GPM6B: variants seen among roughly 807,000 people sequenced by gnomAD.
The protein encoded by GPM6B is glycoprotein M6B, also known as neuronal membrane glycoprotein M6-b.
GPM6B carries 4 observed loss-of-function variants against 27.2 expected under a neutral mutation model. The observed-to-expected ratio is 0.15, with a 90% CI of 0.07 to 0.34. The LOEUF (loss-of-function observed/expected upper bound fraction) is 0.34. GPM6B is among the 10% of genes least tolerant of loss of function. The probability of loss-of-function intolerance (pLI) is 1.00; values close to 1 mark genes in which losing one functional copy is unlikely to be tolerated. For synonymous variants in GPM6B, 124 were observed against 103.1 expected, an observed-to-expected ratio of 1.20 and a Z score of -1.23; for missense variants, 183 against 261.9, an observed-to-expected ratio of 0.70 and a Z score of 2.08.
chrX:13,818,890 AT>A (rs1188784590), upstream of GPM6B, among the ~76,000 whole-genome samples: 1 of 112,488 alleles, frequency 8.9e-6, no homozygotes, highest in Admixed American at 9.4e-5. Context: ...CCAAAACAAA[AT>A]TCAATTCAGC....
At chrX:13,842,553 T>C (rs2049590950) in intron 1 of GPM6B, among the ~76,000 whole-genome samples, 1 of 110,944 alleles carries the variant, frequency 9.0e-6, no homozygotes, top group African/African-American at 3.3e-5. Flanking sequence ...ATTATTTTAT[T>C]GACCTGATCA....
chrX:13,871,910 G>C (rs1352567863), intron 1 of GPM6B, among the ~76,000 whole-genome samples: 1 of 111,886 alleles, frequency 8.9e-6, no homozygotes, highest in Non-Finnish European at 1.9e-5. Context: ...GAACAGAGGT[G>C]CAGACTGCTG....
intron 4 of GPM6B, among the ~76,000 whole-genome samples, chrX:13,782,289 TCA>T (rs1252365890): frequency 9.0e-6 from 1 of 111,655 alleles, no homozygotes; most frequent in East Asian, 2.8e-4. Flanking sequence ...TGTGGATCCC[TCA>T]CAGTGTCCCC....
At chrX:13,916,663 A>ATGTATGTGTG (rs370391303) in intron 1 of GPM6B, among the ~76,000 whole-genome samples, 1 of 90,158 alleles carries the variant, frequency 1.1e-5, no homozygotes, top group Non-Finnish European at 2.2e-5. Flanking sequence ...TAGTTTATTA[A>ATGTATGTGTG]TGTGTGTGTG....
intron 1 of GPM6B, among the ~76,000 whole-genome samples, chrX:13,866,718 T>C (rs1569272479): frequency 1.8e-5 from 2 of 111,237 alleles, no homozygotes; most frequent in African/African-American, 3.3e-5. Flanking sequence ...ACGAAAAAAA[T>C]CTAATGAAGA....
chrX:13,815,964 T>G (rs2049227020), intron 1 of GPM6B, among the ~76,000 whole-genome samples: 1 of 112,142 alleles, frequency 8.9e-6, no homozygotes, highest in East Asian at 2.8e-4. Context: ...AATATGTTTT[T>G]GGGCATTTAT....
chrX:13,803,673 G>A (rs1368925747), intron 2 of GPM6B, among the ~76,000 whole-genome samples: 1 of 111,930 alleles, frequency 8.9e-6, no homozygotes, highest in Non-Finnish European at 1.9e-5. Context: ...GCATGTCATT[G>A]GATTATATTA....
At chrX:13,843,437 T>C (rs1166112349) in intron 1 of GPM6B, among the ~76,000 whole-genome samples, 1 of 112,471 alleles carries the variant, frequency 8.9e-6, no homozygotes, top group Non-Finnish European at 1.9e-5. Context: ...ACACAAGTTT[T>C]CATTTCTTTT....
intron 1 of GPM6B, among the ~76,000 whole-genome samples, chrX:13,827,271 C>CTTTTTTTTTTTT (rs1173680918): frequency 2.7e-5 from 2 of 73,645 alleles, no homozygotes; most frequent in Non-Finnish European, 5.0e-5. Flanking sequence ...TACCGACTTC[C>CTTTTTTTTTTTT]TTTTTTTTTT....
rs2050210798 is a variant in GPM6B at position 13,894,014 on chromosome X, A to G, written c.-198+44313T>C. Among the ~76,000 whole-genome samples, 3 of 111,907 alleles carry G rather than the reference A, an allele frequency of 2.7e-5. No homozygotes were observed. The Admixed American group carries it at 2.8e-4, about 11-fold the overall frequency. On this transcript the variant is annotated intron_variant, in intron 1 of 6. Coordinates refer to the GPM6B transcript ENST00000398361. ...ATTCCTTCTCTCCACATCCTCAGAG[A>G]CCTCATGGGGAGAACTTGCTGGCGC...
intron 1 of GPM6B, among the ~76,000 whole-genome samples, chrX:13,908,192 C>T (rs765003622): frequency 1.1e-5 from 1 of 91,374 alleles, no homozygotes; most frequent in African/African-American, 4.4e-5. Context: ...TTGCTGTGAA[C>T]CTGAAACTAT....
chrX:13,833,201 G>T (rs2049457390), intron 1 of GPM6B, among the ~76,000 whole-genome samples: 1 of 111,275 alleles, frequency 9.0e-6, no homozygotes, highest in African/African-American at 3.3e-5. Flanking sequence ...ATAACTTAAG[G>T]GCTGGGCAGT....
rs1210471372 is a variant in GPM6B at position 13,807,723 on chromosome X, G to A, written c.108C>T (p.Tyr36=). Residue 36 remains tyrosine (Y), a synonymous_variant, in exon 2 of 8, where the codon TAC becomes TAT. Coordinates refer to ENST00000316715, the MANE Select transcript of GPM6B (RefSeq NM_001001995.3). ...EMEIGRYHWM[Y]PGSKNHQYHP... ...GGTACTGGTGGTTCTTTGAGCCTGG[G>A]TACATCCAGTGGTACCTGCCAATTT... 8.3e-7 allele frequency: 1 copy of A among 1,205,623 alleles called. No homozygotes were observed. The highest frequency in any genetic ancestry group is 1.1e-6 in the Non-Finnish European group (1 of 890,512).
chrX:13,837,945 A>G (rs1466883462), intron 1 of GPM6B, among the ~76,000 whole-genome samples: 1 of 110,857 alleles, frequency 9.0e-6, no homozygotes, highest in Admixed American at 9.6e-5. Flanking sequence ...TTAAAAAAAA[A>G]TTACAAACCC....
intron 1 of GPM6B, among the ~76,000 whole-genome samples, chrX:13,931,466 C>T (rs1416435145): frequency 1.0e-4 from 11 of 106,947 alleles, no homozygotes; most frequent in South Asian, 4.2e-4. Context: ...CCAGCCTGGG[C>T]TACAGAGTGA....
At chrX:13,803,176 C>G (rs1353433605) in intron 2 of GPM6B, among the ~76,000 whole-genome samples, 1 of 111,488 alleles carries the variant, frequency 9.0e-6, no homozygotes, top group Non-Finnish European at 1.9e-5. Flanking sequence ...AAGTCCCAGG[C>G]TCAGCCTAGA....
intron 1 of GPM6B, among the ~76,000 whole-genome samples, chrX:13,916,703 G>GTA (rs1211746369): frequency 9.3e-6 from 1 of 107,777 alleles, no homozygotes; most frequent in African/African-American, 3.4e-5. Flanking sequence ...GTGTGTGTGT[G>GTA]TAAGGAGGCT....
intron 2 of GPM6B, among the ~76,000 whole-genome samples, chrX:13,797,242 G>A (rs1392888180): frequency 9.0e-6 from 1 of 111,299 alleles, no homozygotes; most frequent in African/African-American, 3.3e-5. Context: ...CCTTGTGGGT[G>A]GGGTGAGGGG....
intron 1 of GPM6B, among the ~76,000 whole-genome samples, chrX:13,920,287 AAGAAAG>A (rs1920956023): frequency 7.3e-5 from 5 of 68,732 alleles, no homozygotes; most frequent in Non-Finnish European, 1.1e-4. Context: ...AAAAAAAAAA[AAGAAAG>A]AAAGAAAGAA....
Sources: gnomAD v4.1 joint callset for allele counts (sites outside exome capture counted in the v4.1 genomes callset) on GRCh38, gnomAD v4.1.1 for gene constraint, MANE v1.5 for transcripts, NCBI Gene and HGNC (gene_info 2026-07-23, HGNC 2026-07-21) for gene names.